Variants in ZNF552 observed in about 807,000 individuals in gnomAD.
ZNF552 encodes zinc finger protein 552.
A neutral mutation model predicts 7.2 loss-of-function variants in ZNF552; 2 were observed. That is an observed-to-expected ratio of 0.28 (90% confidence interval 0.11 to 0.88). ZNF552 has a LOEUF of 0.88. Among genes scored for constraint, ZNF552 ranks in the 40% least tolerant of loss-of-function variants. The pLI is 0.60. For synonymous variants in ZNF552, 173 were observed against 176.5 expected, an observed-to-expected ratio of 0.98 and a Z score of 0.16; for missense variants, 421 against 493.4, an observed-to-expected ratio of 0.85 and a Z score of 1.39.
chr19:57,808,828 G>A lies in ZNF552; in HGVS notation c.436C>T (p.Pro146Ser), dbSNP rs555709821. ...QHQNEHIGEK[P>S]YRGSVEEALF... ...GCCTCCTCAACACTCCCTCTGTAGG[G>A]TTTCTCTCCAATGTGCTCATTCTGG... The change falls in exon 3 of 3, where the codon CCC (proline) becomes TCC (serine). Residue 146 changes from proline (P) to serine (S), a missense_variant. Transcript: ENST00000391701. 3.7e-6 allele frequency: 6 copies of A among 1,613,964 alleles called. No individual in the cohort carries two copies. In the East Asian group the frequency reaches 1.1e-4, roughly 30 times the overall value.
At chr19:57,813,844 AGCG>A (rs1382585678) in intron 1 of ZNF552, among the ~76,000 whole-genome samples, 1 of 149,538 alleles carries the variant, frequency 6.7e-6, no homozygotes, top group Non-Finnish European at 1.5e-5. Flanking sequence ...CCCGGGTTCA[AGCG>A]AGTCTGCTGC....
intron 2 of ZNF552, 148 bp from the exon 3 acceptor site, chr19:57,809,251 T>C (rs1441135537): frequency 6.5e-7 from 1 of 1,537,110 alleles, no homozygotes; most frequent in Non-Finnish European, 8.8e-7. Flanking sequence ...GATGGTGCTA[T>C]GTATTATTAC....
chr19:57,808,410 A>C lies in ZNF552; in HGVS notation c.854T>G (p.Val285Gly). Reference protein sequence around the residue: ...KLFNSKSHLLVHQRIHTGEKP... With the variant: ...KLFNSKSHLLGHQRIHTGEKP... ...CTCTCCAGTGTGAATTCTCTGGTGTACAAGGAGGTGGGACTTACTGTTAAA... is the reference window on the plus strand; with the variant it reads ...CTCTCCAGTGTGAATTCTCTGGTGTCCAAGGAGGTGGGACTTACTGTTAAA... Residue 285 changes from valine to glycine, a missense_variant, in exon 3 of 3, where the codon GTA becomes GGA. By Grantham distance (109) the Val-to-Gly change is moderately radical. Coordinates refer to ENST00000391701, the MANE Select transcript of ZNF552 (RefSeq NM_024762.3). 6.2e-7 allele frequency: 1 copy of C among 1,613,808 alleles called. No individual in the cohort carries two copies. Among genetic ancestry groups the C allele is most frequent in the East Asian group, 2.2e-5 (1 of 44,878 alleles).
At position 57,807,224 on chromosome 19, in the gene ZNF552, A is replaced by G. The variant is rs766097949; in HGVS notation, c.*816T>C. On this transcript the variant is annotated 3_prime_UTR_variant, in exon 3 of 3. Transcript: ENST00000391701. ...TGAATACAAAGGTGATAGATTAGAT[A>G]AATTCATTATTGTGACTCTGATGAT... The G allele has an allele frequency of 6.6e-6, 1 of 152,336 alleles. No homozygotes were observed. The highest frequency in any genetic ancestry group is 1.5e-5 in the Non-Finnish European group (1 of 68,046). The allele number at this position is 152,336 out of a possible 1,614,324, so 9.4% of individuals were successfully genotyped here. A position where few individuals can be genotyped will look rare whatever the true frequency, so the allele number is the denominator to read the frequency against.
chr19:57,810,458 C>T (rs914593427), intron 2 of ZNF552, among the ~76,000 whole-genome samples: 1 of 152,182 alleles, frequency 6.6e-6, no homozygotes, highest in Non-Finnish European at 1.5e-5. Context: ...TGTAACCCTA[C>T]TCCCAACCCT....
rs1444181073 is a variant in ZNF552 at position 57,812,106 on chromosome 19, CAGG to C, written c.160+1185_160+1187del. 6.7e-5 allele frequency among the ~76,000 whole-genome samples: 10 copies of C among 149,794 alleles called. No homozygotes were observed. In the East Asian group the frequency reaches 9.9e-4, roughly 15 times the overall value. Reference sequence around the variant, plus strand: ...TTCCCAGCTTCTCAGGAGGCTGAAGCAGGAGAAGTGCTTCAGCCCAGGAGGCAG... The same window carrying C: ...TTCCCAGCTTCTCAGGAGGCTGAAGCAGAAGTGCTTCAGCCCAGGAGGCAG... On this transcript the variant is annotated intron_variant, in intron 2 of 2. Coordinates refer to ENST00000391701, the MANE Select transcript of ZNF552 (RefSeq NM_024762.3).
In ZNF552 at chr19:57,811,902, G is replaced by A. The variant is rs185184366; in HGVS notation, c.160+1392C>T. 4.9e-3 allele frequency among the ~76,000 whole-genome samples: 744 copies of A among 151,262 alleles called. 3 individuals are homozygous for A. The highest frequency in any genetic ancestry group is 8.2e-3 in the Non-Finnish European group (554 of 67,822). On this transcript the variant is annotated intron_variant, in intron 2 of 2. Coordinates refer to ENST00000391701, the MANE Select transcript of ZNF552 (RefSeq NM_024762.3). ...AACATAGCCAGGCGTGGTGGTGCAC[G>A]CCTGTAGTCCCAGCTACTTGGGAGG...
rs529966142 is a variant in ZNF552 at position 57,811,663 on chromosome 19, C to T, written c.160+1631G>A. ...CCTGGGAGACAGAGGTTGCGGTGAG[C>T]CAGATCGCACCATTGCGCTCCAGCC... On this transcript the variant is annotated intron_variant, in intron 2 of 2. Transcript: ENST00000391701. Among the ~76,000 whole-genome samples, 464 of 142,636 alleles carry T rather than the reference C, an allele frequency of 3.3e-3. 4 individuals carry two copies. The highest frequency in any genetic ancestry group is 0.012 in the African/African-American group (439 of 37,862). 93.6% of individuals were successfully genotyped at this position (142,636 alleles called of 152,430 possible). A position where few individuals can be genotyped will look rare whatever the true frequency, so the allele number is the denominator to read the frequency against.
At chr19:57,811,385 A>G (rs1265871630) in intron 2 of ZNF552, among the ~76,000 whole-genome samples, 1 of 152,010 alleles carries the variant, frequency 6.6e-6, no homozygotes, top group Non-Finnish European at 1.5e-5. Flanking sequence ...CGTGGTCTCA[A>G]TCTCCTGACC....
intron 2 of ZNF552, 181 bp downstream of exon 2, chr19:57,813,113 A>G (rs1987887590): frequency 1.0e-6 from 1 of 988,726 alleles, no homozygotes; most frequent in Admixed American, 3.1e-5. Context: ...GGAGCTCAAT[A>G]GCAGGTGTTG....
chr19:57,812,503 A>C (rs986272139), intron 2 of ZNF552, among the ~76,000 whole-genome samples: 4 of 152,186 alleles, frequency 2.6e-5, no homozygotes, highest in African/African-American at 9.7e-5. Flanking sequence ...AGACAGAACA[A>C]GGAAACAGCC....
In ZNF552 at chr19:57,808,668, G is replaced by A. The variant is rs1258650701; in HGVS notation, c.596C>T (p.Thr199Ile). 1.2e-6 allele frequency: 2 copies of A among 1,614,186 alleles called. No homozygotes were observed. The highest frequency in any genetic ancestry group is 3.3e-4 in the Middle Eastern group (2 of 6,062). ...CCCATGAAACAGAGACACACACTCA[G>A]TTTTGCTGTTTGACTTCCCAGTGTG... ...ATHTGKSNSK[T>I]ECVSLFHGGK... The change falls in exon 3 of 3, where the codon ACT becomes ATT. Residue 199 changes from threonine (T) to isoleucine (I), a missense_variant. Physicochemically the swap from Thr to Ile is moderately conservative, Grantham distance 89. Transcript: ENST00000391701.
chr19:57,813,237 AAG>A, intron 2 of ZNF552, 55 bp downstream of exon 2: 3 of 1,603,430 alleles, frequency 1.9e-6, no homozygotes, highest in Non-Finnish European at 2.6e-6. Flanking sequence ...CCAATAGAAA[AAG>A]AGGGGGAAAG....
chr19:57,811,646 A>T (rs954587341), intron 2 of ZNF552, among the ~76,000 whole-genome samples: 2 of 146,650 alleles, frequency 1.4e-5, no homozygotes, highest in African/African-American at 5.1e-5. Flanking sequence ...GGCCTGGGAG[A>T]CAGAGGTTGC....
rs765140825 is a variant in ZNF552 at position 57,808,618 on chromosome 19, C to T, written c.646G>A (p.Gly216Arg). 2.5e-6 allele frequency: 4 copies of T among 1,614,154 alleles called. No individual in the cohort carries two copies. In the Admixed American group the frequency reaches 5.0e-5, roughly 20 times the overall value. ...HGGKSHYSCG[G>R]CMKHFSTKDI... Reference sequence around the variant, plus strand: ...TTGGTGCTAAAATGTTTCATGCATCCTCCACAGCTGTAATGGCTTTTTCCC... The same window carrying T: ...TTGGTGCTAAAATGTTTCATGCATCTTCCACAGCTGTAATGGCTTTTTCCC... The change falls in exon 3 of 3, where the codon GGA becomes AGA. Residue 216 changes from glycine to arginine, a missense_variant. Physicochemically the swap from Gly to Arg is moderately radical, Grantham distance 125 (BLOSUM62 -2). This residue lies in a region of ZNF552 where 299 missense variants were observed against 293.7 expected (regional missense o/e 1.02). Transcript: ENST00000391701.
chr19:57,813,690 C>T (rs1987900501), intron 1 of ZNF552, among the ~76,000 whole-genome samples: 1 of 150,348 alleles, frequency 6.7e-6, no homozygotes, highest in East Asian at 2.0e-4. Context: ...CCCAATGTGG[C>T]ACCTTCAGCA....
At chr19:57,811,971 G>A (rs1987866515) in intron 2 of ZNF552, among the ~76,000 whole-genome samples, 2 of 146,424 alleles carry the variant, frequency 1.4e-5, no homozygotes, top group South Asian at 4.3e-4. Context: ...GGAGGTTGCA[G>A]TGAGCCAAGA....
intron 2 of ZNF552, among the ~76,000 whole-genome samples, chr19:57,811,343 T>G (rs968413562): frequency 6.6e-6 from 1 of 151,930 alleles, no homozygotes. Context: ...CTGGCTAATT[T>G]TTTTGTATTT....
intron 2 of ZNF552, 170 bp downstream of exon 2, chr19:57,813,124 G>T: frequency 8.6e-7 from 1 of 1,160,502 alleles, no homozygotes; most frequent in Non-Finnish European, 1.2e-6. Flanking sequence ...GCAGGTGTTG[G>T]GGCTGCTCCA....
Sources: gnomAD v4.1 joint callset for allele counts (sites outside exome capture counted in the v4.1 genomes callset) on GRCh38, gnomAD v4.1.1 for gene constraint, gnomAD v4.1.1 regional missense constraint, MANE v1.5 for transcripts, NCBI Gene and HGNC (gene_info 2026-07-23, HGNC 2026-07-21) for gene names.